Variants in FOXP4 observed in about 807,000 individuals in gnomAD.
FOXP4 encodes the protein forkhead box P4.
In FOXP4, 25 loss-of-function variants were observed where a neutral mutation model predicts 82.6. That is an observed-to-expected ratio of 0.30 (90% CI 0.22 to 0.42). The LOEUF is 0.42. Among genes scored for constraint, FOXP4 ranks in the 10% least tolerant of loss-of-function variants. The pLI, the probability that FOXP4 is intolerant of heterozygous loss-of-function variation, is 1.00. For synonymous variants in FOXP4, 415 were observed against 388.2 expected, an observed-to-expected ratio of 1.07 and a Z score of -0.81; for missense variants, 785 against 900.9, an observed-to-expected ratio of 0.87 and a Z score of 1.65.
Position 41,565,733 on chromosome 6 carries a change from T to G in FOXP4, c.-16-12T>G, listed in dbSNP as rs1764836341. The G allele has an allele frequency of 3.2e-6, 5 of 1,567,730 alleles. No homozygotes were observed. The highest frequency in any genetic ancestry group is 4.3e-6 in the Non-Finnish European group (5 of 1,151,400). ...CCTCAGCCTCTCCCCTGTGTCTCTC[T>G]TCCTCCTCCAGGTACCGCTAGAGCG... On this transcript the variant is annotated splice_polypyrimidine_tract_variant and intron_variant, in intron 1 of 16. Transcript: ENST00000307972.
intron 16 of FOXP4, among the ~76,000 whole-genome samples, chr6:41,598,403 G>C (rs533834340): frequency 6.6e-6 from 1 of 151,972 alleles, no homozygotes; most frequent in Admixed American, 6.6e-5. Context: ...ATTTAGTAGA[G>C]AATGGGGTTT....
chr6:41,552,714 C>T (rs962808732), intron 1 of FOXP4, among the ~76,000 whole-genome samples: 1 of 152,114 alleles, frequency 6.6e-6, no homozygotes, highest in Admixed American at 6.5e-5. Context: ...TAGCTCGGGC[C>T]GGCAGCTGGG....
rs1207808733 is a variant in FOXP4 at position 41,597,023 on chromosome 6, A to G, written c.1659-153A>G. On this transcript the variant is annotated intron_variant, in intron 14 of 16. Transcript: ENST00000307972. ...AGACCGAATCAGACCAAGTACACAC[A>G]CAGCTCCAAGACAGCGGCTGATCCG... is the stretch of plus-strand genomic sequence containing the variant. Among the ~76,000 whole-genome samples the G allele has an allele frequency of 2.6e-5, 4 of 152,166 alleles. No individual in the cohort carries two copies. The East Asian group carries it at 7.7e-4, about 29-fold the overall frequency.
chr6:41,589,785 C>A lies in FOXP4; in HGVS notation c.1080C>A (p.Ser360Arg). ...ACCCTCCACAGCTCGCCAAGGAGAGCGAGCGGCTGCAGGCCATGATGGCCC... is the reference window on the plus strand; with the variant it reads ...ACCCTCCACAGCTCGCCAAGGAGAGAGAGCGGCTGCAGGCCATGATGGCCC... ...QQLEIQLAKESERLQAMMAHL... is the reference protein window; with the variant it reads ...QQLEIQLAKERERLQAMMAHL... The change falls in exon 10 of 17, where the codon AGC (serine) becomes AGA (arginine). Residue 360 changes from serine (S) to arginine (R), a missense_variant. By Grantham distance (110) the Ser-to-Arg change is moderately radical. Around this residue, in one of 3 missense-constraint regions of FOXP4, gnomAD observed 570 missense variants for 634.0 expected, o/e 0.90. Transcript: ENST00000307972. 1.2e-6 allele frequency: 2 copies of A among 1,611,068 alleles called. No homozygotes were observed. Among genetic ancestry groups the A allele is most frequent in the Non-Finnish European group, 1.7e-6 (2 of 1,179,890 alleles).
At chr6:41,559,596 T>A (rs1288025940) in intron 1 of FOXP4, among the ~76,000 whole-genome samples, 2 of 152,168 alleles carry the variant, frequency 1.3e-5, no homozygotes, top group African/African-American at 4.8e-5. Flanking sequence ...TCAGAGCATC[T>A]AAGGACACTG....
chr6:41,574,317 G>A (rs1765357933), intron 2 of FOXP4, among the ~76,000 whole-genome samples: 2 of 152,186 alleles, frequency 1.3e-5, no homozygotes. Context: ...GAGGTGTTTG[G>A]ACTCTGCCAC....
rs1766649951 is a variant in FOXP4, at chr6:41,593,709, C to T, written c.1537-1161C>T. On this transcript the variant is annotated intron_variant, in intron 13 of 16. Transcript: ENST00000307972. The surrounding 1 kb of genome is among the most constrained non-coding windows in gnomAD (Gnocchi z 4.1). ...AAGAGATTCCACTCCAGCCGCCCGCCTCCCTCGTGGATTAGCAAGCGAGTC... is the reference window on the plus strand; with the variant it reads ...AAGAGATTCCACTCCAGCCGCCCGCTTCCCTCGTGGATTAGCAAGCGAGTC... Among the ~76,000 whole-genome samples the T allele has an allele frequency of 1.3e-5, 2 of 152,266 alleles. No homozygotes were observed. The highest frequency in any genetic ancestry group is 4.2e-4 in the South Asian group (2 of 4,816).
At chr6:41,598,537 C>G (rs79187019) in intron 16 of FOXP4, among the ~76,000 whole-genome samples, 1 of 152,154 alleles carries the variant, frequency 6.6e-6, no homozygotes, top group Admixed American at 6.5e-5. Flanking sequence ...TCTTTCTTCT[C>G]CTTCCTCCGT....
At position 41,587,542 on chromosome 6, in the gene FOXP4, A is replaced by G. The variant is rs555684381; in HGVS notation, c.872+30A>G. 5 of 1,506,244 alleles carry G rather than the reference A, an allele frequency of 3.3e-6. No individual in the cohort carries two copies. The African/African-American group carries it at 4.2e-5, about 13-fold the overall frequency. The allele number at this position is 1,506,244 out of a possible 1,614,324, so 93.3% of individuals were successfully genotyped here. On this transcript the variant is annotated intron_variant, in intron 7 of 16. Transcript: ENST00000307972. ...AGGGGTCCAGGCTGGGAGGGGCATC[A>G]AAGGCCTGCCTGGGGGTAGACCTGG... is the stretch of plus-strand genomic sequence containing the variant.
At chr6:41,562,212 G>T (rs1195949194) in intron 1 of FOXP4, among the ~76,000 whole-genome samples, 1 of 152,208 alleles carries the variant, frequency 6.6e-6, no homozygotes, top group Non-Finnish European at 1.5e-5. Context: ...CTGTCATGCA[G>T]GTTTGGGGGG....
chr6:41,601,843 C>T lies in FOXP4; in HGVS notation c.*2907C>T, dbSNP rs1767224226. ...GGCAGAAAGGAGTCCCAGGCCTGTCCCTAGGGACAAGGCCCAGGGAAGAGT... is the reference window on the plus strand; with the variant it reads ...GGCAGAAAGGAGTCCCAGGCCTGTCTCTAGGGACAAGGCCCAGGGAAGAGT... On this transcript the variant is annotated 3_prime_UTR_variant, in exon 17 of 17. Coordinates refer to ENST00000307972, the MANE Select transcript of FOXP4 (RefSeq NM_001012426.2). 1 of 152,196 alleles carries T rather than the reference C, an allele frequency of 6.6e-6. No homozygotes were observed. The highest frequency in any genetic ancestry group is 2.4e-5 in the African/African-American group (1 of 41,416). 9.4% of individuals were successfully genotyped at this position (152,196 alleles called of 1,614,324 possible).
intron 3 of FOXP4, among the ~76,000 whole-genome samples, chr6:41,583,232 T>C (rs893396696): frequency 6.6e-6 from 1 of 151,452 alleles, no homozygotes; most frequent in Admixed American, 6.6e-5. Flanking sequence ...GAGCGAGAGG[T>C]GTTGGGAGCC....
Position 41,594,999 on chromosome 6 carries a change from G to T in FOXP4, c.1658+8G>T. The stretch of plus-strand genomic sequence containing the variant: ...ACCGCCAAAGATGACAGGGTATGTG[G>T]GTCCAGAGCTGGATGGGCTGTACCT... On this transcript the variant is annotated splice_region_variant and intron_variant, in intron 14 of 16. Coordinates refer to ENST00000307972, the MANE Select transcript of FOXP4 (RefSeq NM_001012426.2). 6.2e-7 allele frequency: 1 copy of T among 1,613,942 alleles called. No individual in the cohort carries two copies. The highest frequency in any genetic ancestry group is 8.5e-7 in the Non-Finnish European group (1 of 1,179,972).
At chr6:41,574,399 A>C (rs1765362860) in intron 2 of FOXP4, among the ~76,000 whole-genome samples, 1 of 152,208 alleles carries the variant, frequency 6.6e-6, no homozygotes, top group Admixed American at 6.5e-5. Flanking sequence ...TGCTCCACCT[A>C]GCTCAATGTT....
At chr6:41,560,974 G>A (rs1764543568) in intron 1 of FOXP4, among the ~76,000 whole-genome samples, 1 of 152,136 alleles carries the variant, frequency 6.6e-6, no homozygotes, top group Non-Finnish European at 1.5e-5. Context: ...GGTGGAACTC[G>A]TCACTTCCGG....
intron 3 of FOXP4, among the ~76,000 whole-genome samples, chr6:41,583,643 A>T (rs1008067469): frequency 6.6e-6 from 1 of 152,196 alleles, no homozygotes; most frequent in Admixed American, 6.5e-5. Context: ...GAAATTAGAG[A>T]AGAGTCCTGT....
At position 41,593,713 on chromosome 6, in the gene FOXP4, C is replaced by G. The variant is rs1011426985; in HGVS notation, c.1537-1157C>G. On this transcript the variant is annotated intron_variant, in intron 13 of 16. Coordinates refer to ENST00000307972, the MANE Select transcript of FOXP4 (RefSeq NM_001012426.2). The surrounding 1 kb of genome is among the most constrained non-coding windows in gnomAD (Gnocchi z 4.1). The stretch of plus-strand genomic sequence containing the variant: ...GATTCCACTCCAGCCGCCCGCCTCC[C>G]TCGTGGATTAGCAAGCGAGTCGGAA... Among the ~76,000 whole-genome samples the G allele has an allele frequency of 6.6e-6, 1 of 152,178 alleles. No individual in the cohort carries two copies. The highest frequency in any genetic ancestry group is 2.4e-5 in the African/African-American group (1 of 41,444).
chr6:41,586,079 C>A (rs1561796291), intron 5 of FOXP4, among the ~76,000 whole-genome samples: 1 of 152,068 alleles, frequency 6.6e-6, no homozygotes, highest in East Asian at 1.9e-4. Flanking sequence ...GGGTCCCAGA[C>A]CTGTGCATCT....
At chr6:41,584,207 G>A (rs1041703845) in intron 3 of FOXP4, among the ~76,000 whole-genome samples, 2 of 152,236 alleles carry the variant, frequency 1.3e-5, no homozygotes, top group East Asian at 1.9e-4. Flanking sequence ...CAGGTGTGCC[G>A]GGGTGTGTGA....
Sources: allele counts gnomAD v4.1 joint callset (sites outside exome capture counted in the v4.1 genomes callset), GRCh38; gene constraint gnomAD v4.1.1; regional missense constraint gnomAD v4.1.1; non-coding constraint Gnocchi (gnomAD v3.1); transcripts MANE v1.5; gene names NCBI Gene and HGNC (gene_info 2026-07-23, HGNC 2026-07-21).